Variants in MSR1 observed in about 807,000 individuals in gnomAD.
MSR1 encodes the protein macrophage scavenger receptor types I and II.
MSR1 carries 53 observed loss-of-function variants against 47.2 expected under a neutral mutation model. The observed-to-expected ratio is 1.12, with a 90% CI of 0.90 to 1.41. The LOEUF is 1.41. MSR1 is among the 40% of genes most tolerant of loss of function. The probability of loss-of-function intolerance (pLI) is 0.00; values close to 1 mark genes in which losing one functional copy is unlikely to be tolerated. For missense variants in MSR1, 786 were observed against 546.9 expected, an observed-to-expected ratio of 1.44 and a Z score of -4.36; for synonymous variants, 239 against 185.6, an observed-to-expected ratio of 1.29 and a Z score of -2.34.
intron 5 of MSR1, among the ~76,000 whole-genome samples, chr8:16,159,215 C>A (rs1801095269): frequency 6.6e-6 from 1 of 151,630 alleles, no homozygotes; most frequent in Non-Finnish European, 1.5e-5. Flanking sequence ...TTTTTTGGTG[C>A]TTTCATATCC....
intron 7 of MSR1, among the ~76,000 whole-genome samples, chr8:16,144,025 A>T (rs1026346094): frequency 6.6e-6 from 1 of 152,016 alleles, no homozygotes. Context: ...TTTAGAGTGT[A>T]CCATCCCCAA....
At chr8:16,178,109 T>C in intron 1 of MSR1, 117 bp from the exon 2 acceptor site, 1 of 777,160 alleles carries the variant, frequency 1.3e-6, no homozygotes, top group Non-Finnish European at 2.1e-6. Context: ...TTTTCTTTTT[T>C]TTTTTTAATT....
chr8:16,184,983 T>A (rs903062849), intron 1 of MSR1, among the ~76,000 whole-genome samples: 1 of 151,956 alleles, frequency 6.6e-6, no homozygotes, highest in Admixed American at 6.6e-5. Context: ...CTGACAGGTG[T>A]AGTGGGCCAG....
chr8:16,146,944 G>A (rs546193018), intron 7 of MSR1, among the ~76,000 whole-genome samples: 1 of 152,236 alleles, frequency 6.6e-6, no homozygotes, highest in South Asian at 2.1e-4. Flanking sequence ...CAGTAAACGT[G>A]TTGAATTAAT....
chr8:16,143,507 G>T, intron 8 of MSR1, 51 bp downstream of exon 8: 1 of 1,519,504 alleles, frequency 6.6e-7, no homozygotes, highest in Non-Finnish European at 9.1e-7. Context: ...TAGTATCACA[G>T]ACTTACTTAT....
rs544686108 is a variant in MSR1 at position 16,139,497 on chromosome 8, T to G, written c.1033+4061A>C. On this transcript the variant is annotated intron_variant, in intron 8 of 9. Transcript: ENST00000262101. ...GAGTTCTACTAGAATCTTAATAGTA[T>G]GAATCTTGGGTCTGTGTGTTAAAAC... 55 of 984,428 alleles carry G rather than the reference T, an allele frequency of 5.6e-5. No individual in the cohort carries two copies. In the African/African-American group the frequency reaches 8.0e-4, roughly 14 times the overall value. 61.0% of individuals were successfully genotyped at this position (984,428 alleles called of 1,614,324 possible). A position where few individuals can be genotyped will look rare whatever the true frequency, so the allele number is the denominator to read the frequency against.
At position 16,111,853 on chromosome 8, in the gene MSR1, C is replaced by T. The variant is rs555275434; in HGVS notation, c.1223-1635G>A. Among the ~76,000 whole-genome samples, 5 of 152,282 alleles carry T rather than the reference C, an allele frequency of 3.3e-5. No individual in the cohort carries two copies. In the East Asian group the frequency reaches 9.6e-4, roughly 29 times the overall value. On this transcript the variant is annotated intron_variant, in intron 9 of 9. Coordinates refer to ENST00000262101, the MANE Select transcript of MSR1 (RefSeq NM_138715.3). ...AAATCAGCAAGGATAAGGAACTGTACGTGCTCAAAGTCGCACAGGATTCTC... is the reference window on the plus strand; with the variant it reads ...AAATCAGCAAGGATAAGGAACTGTATGTGCTCAAAGTCGCACAGGATTCTC...
chr8:16,130,908 T>C (rs980638510), intron 8 of MSR1, among the ~76,000 whole-genome samples: 1 of 152,086 alleles, frequency 6.6e-6, no homozygotes, highest in Non-Finnish European at 1.5e-5. Flanking sequence ...TGATTCCATG[T>C]CTTTGCTATT....
chr8:16,160,026 G>C (rs897269316), intron 5 of MSR1, among the ~76,000 whole-genome samples: 3 of 151,968 alleles, frequency 2.0e-5, no homozygotes, highest in African/African-American at 7.2e-5. Context: ...GACAAGCGAG[G>C]GAATGAAGCA....
intron 8 of MSR1, among the ~76,000 whole-genome samples, chr8:16,122,281 A>G (rs1220960529): frequency 2.0e-5 from 3 of 152,148 alleles, no homozygotes; most frequent in South Asian, 2.1e-4. Context: ...GTAATTGCCT[A>G]AAGAAAACGA....
chr8:16,112,125 T>C (rs1425691334), intron 9 of MSR1, among the ~76,000 whole-genome samples: 1 of 152,162 alleles, frequency 6.6e-6, no homozygotes, highest in Non-Finnish European at 1.5e-5. Context: ...TTATTCTGGT[T>C]ATTTTTCCTC....
At chr8:16,150,952 T>G (rs1800841487) in intron 6 of MSR1, among the ~76,000 whole-genome samples, 1 of 151,780 alleles carries the variant, frequency 6.6e-6, no homozygotes, top group Non-Finnish European at 1.5e-5. Context: ...TTTCATATGC[T>G]TAAATGAAAA....
intron 9 of MSR1, among the ~76,000 whole-genome samples, chr8:16,111,784 A>C (rs1376305915): frequency 1.6e-4 from 25 of 151,916 alleles, no homozygotes; most frequent in African/African-American, 2.4e-5. Flanking sequence ...AACTTTCAAA[A>C]ACTGAATGCC....
At chr8:16,180,363 G>A (rs1049479555) in intron 1 of MSR1, among the ~76,000 whole-genome samples, 1 of 152,044 alleles carries the variant, frequency 6.6e-6, no homozygotes, top group African/African-American at 2.4e-5. Context: ...AGAAACTGAT[G>A]GGCCTCACCA....
intron 3 of MSR1, among the ~76,000 whole-genome samples, chr8:16,170,324 G>A (rs186644833): frequency 6.7e-6 from 1 of 149,138 alleles, no homozygotes; most frequent in Non-Finnish European, 1.5e-5. Context: ...CTCCAGCCTG[G>A]GCAACAGAGT....
At chr8:16,183,413 A>T (rs75017967) in intron 1 of MSR1, among the ~76,000 whole-genome samples, 1 of 151,218 alleles carries the variant, frequency 6.6e-6, no homozygotes, top group Non-Finnish European at 1.5e-5. Flanking sequence ...GGAACATTGA[A>T]TATATTAAAT....
intron 4 of MSR1, 151 bp downstream of exon 4, chr8:16,168,307 G>A (rs980581946): frequency 2.0e-5 from 15 of 766,210 alleles, no homozygotes; most frequent in Middle Eastern, 2.9e-4. Flanking sequence ...CTTAACATTC[G>A]TTTAAAATCT....
At position 16,110,488 on chromosome 8, in the gene MSR1, TG is replaced by T. The variant is rs555624061; in HGVS notation, c.1223-271del. On this transcript the variant is annotated intron_variant, in intron 9 of 9. Coordinates refer to ENST00000262101, the MANE Select transcript of MSR1 (RefSeq NM_138715.3). ...GTTCTATAAAAGTAGAGATTAAGAA[TG>T]TTTTTTTAAGGATTTGACAAATTAG... Among the ~76,000 whole-genome samples, 25 of 152,222 alleles carry T rather than the reference TG, an allele frequency of 1.6e-4. No individual in the cohort carries two copies. The South Asian group carries it at 2.9e-3, about 18-fold the overall frequency.
intron 3 of MSR1, among the ~76,000 whole-genome samples, chr8:16,170,990 G>A (rs1303348976): frequency 3.3e-5 from 5 of 152,006 alleles, no homozygotes; most frequent in Admixed American, 2.6e-4. Context: ...ACTTAAAGAG[G>A]CTGTGTGTGG....
Sources: gnomAD v4.1 joint callset for allele counts (sites outside exome capture counted in the v4.1 genomes callset) on GRCh38, gnomAD v4.1.1 for gene constraint, MANE v1.5 for transcripts, NCBI Gene and HGNC (gene_info 2026-07-23, HGNC 2026-07-21) for gene names.